GRIK4: variants seen among roughly 807,000 people sequenced by gnomAD.
The protein encoded by GRIK4 is glutamate ionotropic receptor kainate type subunit 4, also known as glutamate receptor ionotropic, kainate 4.
In GRIK4, 40 loss-of-function variants were observed where a neutral mutation model predicts 104.9. That is an observed-to-expected ratio of 0.38 (90% CI 0.30 to 0.50). GRIK4 has a LOEUF of 0.50. Among genes scored for constraint, GRIK4 ranks in the 20% least tolerant of loss-of-function variants. The pLI, the probability that GRIK4 is intolerant of heterozygous loss-of-function variation, is 0.93. For synonymous variants in GRIK4, 485 were observed against 524.9 expected, an observed-to-expected ratio of 0.92 and a Z score of 1.04; for missense variants, 1,047 against 1,308.1, an observed-to-expected ratio of 0.80 and a Z score of 3.08.
intron 1 of GRIK4, among the ~76,000 whole-genome samples, chr11:120,588,458 C>T (rs896778390): frequency 4.6e-5 from 7 of 152,112 alleles, no homozygotes; most frequent in African/African-American, 1.4e-4. Context: ...ACCGCAGGCA[C>T]GACACAGGGT....
Position 120,945,623 on chromosome 11 carries a change from A to G in GRIK4, c.1590+5163A>G, listed in dbSNP as rs148338769. Among the ~76,000 whole-genome samples the G allele has an allele frequency of 3.3e-5, 5 of 152,330 alleles. No individual in the cohort carries two copies. The East Asian group carries it at 9.7e-4, about 29-fold the overall frequency. On this transcript the variant is annotated intron_variant, in intron 14 of 20. Coordinates refer to ENST00000527524, the MANE Select transcript of GRIK4 (RefSeq NM_014619.5). ...TATTAGGGAACCTTACAGGGCCAGT[A>G]TTCTAGGCAGCAGGACAAGTGACCC...
chr11:120,967,185 A>G lies in GRIK4; in HGVS notation c.2267-10A>G. ...AACCTGTGTCCTGGGCTCTCCCGTA[A>G]CCCCCGCAGGCTCGGTTTTCCGGGA... On this transcript the variant is annotated splice_polypyrimidine_tract_variant and intron_variant, in intron 18 of 20. Transcript: ENST00000527524. This position sits in a 1 kb window ranked among gnomAD's most constrained non-coding sequence, Gnocchi z 4.2. 6.2e-7 allele frequency: 1 copy of G among 1,610,852 alleles called. No homozygotes were observed. The highest frequency in any genetic ancestry group is 8.5e-7 in the Non-Finnish European group (1 of 1,178,420).
rs554992271 is a variant in GRIK4, at chr11:120,700,606, G to A, written c.82+40206G>A. On this transcript the variant is annotated intron_variant, in intron 3 of 20. Coordinates refer to ENST00000527524, the MANE Select transcript of GRIK4 (RefSeq NM_014619.5). ...CCTGAGTAGCTGGGATTACAGGTGC[G>A]CGCCACCATGTCTGGCTAATTTTTG... 5.9e-5 allele frequency among the ~76,000 whole-genome samples: 9 copies of A among 152,132 alleles called. No homozygotes were observed. In the South Asian group the frequency reaches 8.3e-4, roughly 14 times the overall value.
intron 19 of GRIK4, among the ~76,000 whole-genome samples, chr11:120,973,198 T>C (rs1001142529): frequency 2.0e-5 from 3 of 152,216 alleles, no homozygotes; most frequent in Admixed American, 1.3e-4. Flanking sequence ...TTGCAGTTGT[T>C]GGCCTTGGAA....
intron 19 of GRIK4, among the ~76,000 whole-genome samples, chr11:120,971,789 T>G (rs1404319969): frequency 6.6e-6 from 1 of 152,206 alleles, no homozygotes; most frequent in South Asian, 2.1e-4. Flanking sequence ...AAGCATCCCT[T>G]AGGAATCGCT....
At chr11:120,882,808 T>G (rs112861997) in intron 11 of GRIK4, among the ~76,000 whole-genome samples, 2,214 of 152,250 alleles carry the variant, frequency 0.015, 56 homozygotes, top group African/African-American at 0.05. Flanking sequence ...TGCTGGGTGC[T>G]GCATACCTTT....
intron 1 of GRIK4, among the ~76,000 whole-genome samples, chr11:120,541,501 T>C (rs1948035385): frequency 6.6e-6 from 1 of 152,074 alleles, no homozygotes; most frequent in Non-Finnish European, 1.5e-5. Context: ...AAATACTCTT[T>C]TTTTTTTTCT....
At chr11:120,800,425 T>G (rs1591930237) in intron 3 of GRIK4, among the ~76,000 whole-genome samples, 1 of 152,196 alleles carries the variant, frequency 6.6e-6, no homozygotes, top group Non-Finnish European at 1.5e-5. Context: ...GTTTCTGCTT[T>G]CTCAGTAGCC....
At chr11:120,800,155 C>T (rs1435513049) in intron 3 of GRIK4, among the ~76,000 whole-genome samples, 1 of 152,024 alleles carries the variant, frequency 6.6e-6, no homozygotes, top group Non-Finnish European at 1.5e-5. Flanking sequence ...TGCCTGGCCC[C>T]TATTATATTT....
At chr11:120,780,175 TAA>T (rs1174825514) in intron 3 of GRIK4, among the ~76,000 whole-genome samples, 1 of 152,230 alleles carries the variant, frequency 6.6e-6, no homozygotes, top group African/African-American at 2.4e-5. Context: ...AAAATACACA[TAA>T]AACTACTGTT....
At chr11:120,694,266 T>A (rs1282304833) in intron 3 of GRIK4, among the ~76,000 whole-genome samples, 1 of 152,192 alleles carries the variant, frequency 6.6e-6, no homozygotes, top group Non-Finnish European at 1.5e-5. Context: ...CTGGGCTAAA[T>A]GTCAAGGTAC....
chr11:120,891,980 C>T (rs1004025263), intron 11 of GRIK4, among the ~76,000 whole-genome samples: 3 of 152,092 alleles, frequency 2.0e-5, no homozygotes, highest in South Asian at 2.1e-4. Context: ...TCACAGTGCA[C>T]GAATGAATGG....
At chr11:120,845,634 TC>T (rs200789069) in intron 8 of GRIK4, among the ~76,000 whole-genome samples, 2,833 of 148,336 alleles carry the variant, frequency 0.019, 72 homozygotes, top group African/African-American at 0.06. Flanking sequence ...TACACACACA[TC>T]CCTATGCACA....
chr11:120,759,222 C>T (rs1951703455), intron 3 of GRIK4, among the ~76,000 whole-genome samples: 1 of 152,174 alleles, frequency 6.6e-6, no homozygotes, highest in Non-Finnish European at 1.5e-5. Context: ...TGCAAATGGT[C>T]AGGGTCAGAG....
chr11:120,819,954 G>A lies in GRIK4; in HGVS notation c.511+34G>A, dbSNP rs1213227965. On this transcript the variant is annotated intron_variant, in intron 6 of 20. Transcript: ENST00000527524. The surrounding 1 kb of genome is among the most constrained non-coding windows in gnomAD (Gnocchi z 4.3). ...CCCCAGGCTGGCTCTGCCCCAGACA[G>A]TCCAGTCTTGTTGATTTTGCCCTGA... is the stretch of plus-strand genomic sequence containing the variant. The A allele has an allele frequency of 1.2e-6, 2 of 1,601,954 alleles. No individual in the cohort carries two copies. The highest frequency in any genetic ancestry group is 1.7e-6 in the Non-Finnish European group (2 of 1,171,880).
rs1942785207 is a variant in GRIK4, at chr11:120,903,294, C to T, written c.1273-1996C>T. 6.6e-6 allele frequency among the ~76,000 whole-genome samples: 1 copy of T among 152,176 alleles called. No individual in the cohort carries two copies. Among genetic ancestry groups the T allele is most frequent in the South Asian group, 2.1e-4 (1 of 4,822 alleles). ...CTCTCCTCTGTCCCTGTCGCATCCC[C>T]TGAGCGGCTCTGCTGAAAATCTTCC... On this transcript the variant is annotated intron_variant, in intron 12 of 20. Transcript: ENST00000527524. This position sits in a 1 kb window ranked among gnomAD's most constrained non-coding sequence, Gnocchi z 4.4.
chr11:120,905,421 T>C lies in GRIK4; in HGVS notation c.1404T>C (p.Val468=). Residue 468 remains valine, a synonymous_variant, in exon 13 of 21, where the codon GTT becomes GTC. Coordinates refer to ENST00000527524, the MANE Select transcript of GRIK4 (RefSeq NM_014619.5). This position sits in a 1 kb window ranked among gnomAD's most constrained non-coding sequence, Gnocchi z 5.1. ...GATTCAACTACAAGATCCGCCTGGTTGGGGATGGCGTGTACGGCGTTCCCG... is the reference window on the plus strand; with the variant it reads ...GATTCAACTACAAGATCCGCCTGGTCGGGGATGGCGTGTACGGCGTTCCCG... ...ILRFNYKIRL[V]GDGVYGVPEA... The C allele has an allele frequency of 1.3e-6, 2 of 1,597,868 alleles. 1 individual carries two copies.
At chr11:120,525,647 G>A (rs191223524) in intron 1 of GRIK4, among the ~76,000 whole-genome samples, 1 of 152,356 alleles carries the variant, frequency 6.6e-6, no homozygotes. Flanking sequence ...CCCGTGTCTA[G>A]GCTGGGGATG....
At chr11:120,694,972 C>G (rs1184275598) in intron 3 of GRIK4, among the ~76,000 whole-genome samples, 3 of 152,212 alleles carry the variant, frequency 2.0e-5, no homozygotes, top group Non-Finnish European at 4.4e-5. Context: ...TGATTATTTC[C>G]TTTTCCCCTT....
Sources: allele counts gnomAD v4.1 joint callset (sites outside exome capture counted in the v4.1 genomes callset), GRCh38; gene constraint gnomAD v4.1.1; non-coding constraint Gnocchi (gnomAD v3.1); transcripts MANE v1.5; gene names NCBI Gene and HGNC (gene_info 2026-07-23, HGNC 2026-07-21).